Variants in CHCHD6 observed in about 807,000 individuals in gnomAD.
CHCHD6 encodes the protein coiled-coil-helix-coiled-coil-helix domain containing 6, also known as MICOS complex subunit MIC25.
A neutral mutation model predicts 32.3 loss-of-function variants in CHCHD6; 28 were observed. The ratio of observed to expected loss-of-function variants is 0.87; its 90% CI spans 0.64 to 1.19. CHCHD6 has a LOEUF of 1.19. CHCHD6 is among the 50% of genes most tolerant of loss of function. The pLI is 0.00. For synonymous variants in CHCHD6, 122 were observed against 117.5 expected (o/e 1.04, Z -0.25); for missense variants, 333 against 307.0 (o/e 1.08, Z -0.63).
chr3:126,794,724 G>T (rs895160883), intron 4 of CHCHD6, among the ~76,000 whole-genome samples: 4 of 151,930 alleles, frequency 2.6e-5, no homozygotes, highest in Non-Finnish European at 5.9e-5. Flanking sequence ...CTGGTATCTG[G>T]TATTGCCAGC....
intron 5 of CHCHD6, among the ~76,000 whole-genome samples, chr3:126,909,091 T>C (rs1244820547): frequency 6.6e-6 from 1 of 152,198 alleles, no homozygotes; most frequent in Non-Finnish European, 1.5e-5. Context: ...GCTCCTTCTC[T>C]CCCGTGGCGC....
chr3:126,863,251 TCCTCCTCCACCATCACAACCG>T (rs1284158788), intron 5 of CHCHD6, among the ~76,000 whole-genome samples: 2 of 120,586 alleles, frequency 1.7e-5, no homozygotes, highest in Non-Finnish European at 3.5e-5. Flanking sequence ...CATCACCACC[TCCTCCTCCACCATCACAACCG>T]CCTCCTCCAC....
At chr3:126,719,669 G>T (rs187995626) in intron 1 of CHCHD6, among the ~76,000 whole-genome samples, 3 of 152,170 alleles carry the variant, frequency 2.0e-5, no homozygotes, top group African/African-American at 7.2e-5. Flanking sequence ...ACTGGGTATC[G>T]TTTCTCACCT....
chr3:126,886,330 G>A (rs2077679328), intron 5 of CHCHD6, among the ~76,000 whole-genome samples: 1 of 152,200 alleles, frequency 6.6e-6, no homozygotes. Flanking sequence ...CAGCTTGTAA[G>A]TTTTAAATTG....
Position 126,784,450 on chromosome 3 carries a change from A to G in CHCHD6, c.411+51228A>G, listed in dbSNP as rs1029475565. Among the ~76,000 whole-genome samples, 10 of 152,138 alleles carry G rather than the reference A, an allele frequency of 6.6e-5. No individual in the cohort carries two copies. In the East Asian group the frequency reaches 1.7e-3, roughly 26 times the overall value. On this transcript the variant is annotated intron_variant, in intron 4 of 7. Coordinates refer to ENST00000290913, the MANE Select transcript of CHCHD6 (RefSeq NM_032343.3). Reference sequence around the variant, plus strand: ...CTCTCCTCCTGCTAGCACTCATTATACATAATACCTGCCCCCACTGCCTTG... The same window carrying G: ...CTCTCCTCCTGCTAGCACTCATTATGCATAATACCTGCCCCCACTGCCTTG...
At chr3:126,796,222 C>T (rs964047992) in intron 4 of CHCHD6, among the ~76,000 whole-genome samples, 1 of 152,110 alleles carries the variant, frequency 6.6e-6, no homozygotes. Flanking sequence ...TGGTGGTGTA[C>T]ACCTGTGGTC....
chr3:126,912,811 T>C (rs1330779811), intron 5 of CHCHD6, among the ~76,000 whole-genome samples: 2 of 152,318 alleles, frequency 1.3e-5, no homozygotes, highest in Admixed American at 1.3e-4. Context: ...GGGGAGTCCT[T>C]GGGGTAAGAC....
intron 4 of CHCHD6, among the ~76,000 whole-genome samples, chr3:126,749,647 G>T (rs1936646342): frequency 6.6e-6 from 1 of 152,208 alleles, no homozygotes; most frequent in African/African-American, 2.4e-5. Flanking sequence ...AGCTCTGCCA[G>T]CCTCAGCAGC....
chr3:126,835,995 C>T (rs545848031), intron 4 of CHCHD6, among the ~76,000 whole-genome samples: 2 of 152,336 alleles, frequency 1.3e-5, no homozygotes, highest in African/African-American at 2.4e-5. Flanking sequence ...TGTGAGTGCA[C>T]GGTGTGGGAA....
At chr3:126,833,322 C>T (rs1940715939) in intron 4 of CHCHD6, among the ~76,000 whole-genome samples, 1 of 152,212 alleles carries the variant, frequency 6.6e-6, no homozygotes, top group African/African-American at 2.4e-5. Flanking sequence ...TGCCTCCTTC[C>T]TTGGCACGGG....
intron 5 of CHCHD6, among the ~76,000 whole-genome samples, chr3:126,864,784 ATCACCTCCTCCTCCACC>A (rs1559890439): frequency 4.0e-5 from 5 of 126,030 alleles, no homozygotes; most frequent in Admixed American, 1.6e-4. Context: ...CTCCTCCACC[ATCACCTCCTCCTCCACC>A]GTCACCTCCT....
At chr3:126,740,292 A>G (rs147042604) in intron 4 of CHCHD6, among the ~76,000 whole-genome samples, 2 of 152,228 alleles carry the variant, frequency 1.3e-5, no homozygotes, top group African/African-American at 4.8e-5. Context: ...TGGAGTGCCT[A>G]TGGGCTTTCT....
At chr3:126,863,302 TCCTCCTCCTCCATCACCA>T (rs1302666643) in intron 5 of CHCHD6, among the ~76,000 whole-genome samples, 1 of 130,272 alleles carries the variant, frequency 7.7e-6, no homozygotes, top group Non-Finnish European at 1.6e-5. Context: ...CACCTCCTCC[TCCTCCTCCTCCATCACCA>T]CCTCCTCCTC....
intron 4 of CHCHD6, among the ~76,000 whole-genome samples, chr3:126,819,230 T>C (rs1940048930): frequency 6.6e-6 from 1 of 152,162 alleles, no homozygotes. Flanking sequence ...GCAGGCACAG[T>C]AGGCCTGAAT....
At chr3:126,810,901 T>C (rs1181759284) in intron 4 of CHCHD6, among the ~76,000 whole-genome samples, 2 of 152,056 alleles carry the variant, frequency 1.3e-5, no homozygotes, top group Non-Finnish European at 2.9e-5. Flanking sequence ...GAGGCTGGGC[T>C]CAGTTGTAGA....
At chr3:126,841,753 T>A (rs967848153) in intron 4 of CHCHD6, among the ~76,000 whole-genome samples, 44 of 146,124 alleles carry the variant, frequency 3.0e-4, no homozygotes, top group Non-Finnish European at 4.7e-4. Context: ...AAAAAAAAAA[T>A]TTTTTTTTTT....
intron 4 of CHCHD6, among the ~76,000 whole-genome samples, chr3:126,780,141 C>T (rs1937864355): frequency 6.6e-6 from 1 of 152,198 alleles, no homozygotes; most frequent in Non-Finnish European, 1.5e-5. Context: ...TCACACTAAT[C>T]ATCCCTTTTA....
chr3:126,738,699 G>A (rs1036647950), intron 4 of CHCHD6, among the ~76,000 whole-genome samples: 2 of 152,258 alleles, frequency 1.3e-5, no homozygotes, highest in East Asian at 1.9e-4. Flanking sequence ...TGATCCCATT[G>A]CAGTGCCCCA....
At chr3:126,763,588 G>C (rs556497936) in intron 4 of CHCHD6, among the ~76,000 whole-genome samples, 1 of 152,246 alleles carries the variant, frequency 6.6e-6, no homozygotes, top group East Asian at 1.9e-4. Context: ...TGATCCTCTT[G>C]CCTTGGCCTC....
Sources: gnomAD v4.1 joint callset for allele counts (sites outside exome capture counted in the v4.1 genomes callset) on GRCh38, gnomAD v4.1.1 for gene constraint, MANE v1.5 for transcripts, NCBI Gene and HGNC (gene_info 2026-07-23, HGNC 2026-07-21) for gene names.